The following GNAO1 variants were observed in gnomAD, a reference collection of about 807,000 sequenced individuals.
GNAO1 encodes G protein subunit alpha o1.
For missense variants in GNAO1, 166 were observed against 478.7 expected, an observed-to-expected ratio of 0.35 and a Z score of 6.10; for synonymous variants, 164 against 180.7, an observed-to-expected ratio of 0.91 and a Z score of 0.74.
At chr16:56,199,431 C>G (rs565506114) in intron 2 of GNAO1, among the ~76,000 whole-genome samples, 1 of 152,266 alleles carries the variant, frequency 6.6e-6, no homozygotes, top group East Asian at 1.9e-4. Context: ...TTTTCCGTGG[C>G]TTCCAGGATG....
chr16:56,351,837 T>A lies in GNAO1; in HGVS notation c.877+300T>A, dbSNP rs1187693753. 2.8e-6 allele frequency: 1 copy of A among 353,890 alleles called. No individual in the cohort carries two copies. Among genetic ancestry groups the A allele is most frequent in the Non-Finnish European group, 5.2e-6 (1 of 190,714 alleles). The allele number at this position is 353,890 out of a possible 1,614,324, so 21.9% of individuals were successfully genotyped here. On this transcript the variant is annotated intron_variant, in intron 7 of 8. Coordinates refer to ENST00000262493, the MANE Select transcript of GNAO1 (RefSeq NM_020988.3). This position sits in a 1 kb window ranked among gnomAD's most constrained non-coding sequence, Gnocchi z 6.1. Reference sequence around the variant, plus strand: ...TCACAGGCTTCCCCCTTCCTCCTGGTCACCCTCTAGAAGAGGTCTCAGGAC... The same window carrying A: ...TCACAGGCTTCCCCCTTCCTCCTGGACACCCTCTAGAAGAGGTCTCAGGAC...
Position 56,355,066 on chromosome 16 carries a change from T to C in GNAO1, c.*13T>C, listed in dbSNP as rs778531600. On this transcript the variant is annotated 3_prime_UTR_variant, in exon 8 of 9. Transcript: ENST00000262493. ...CGGCTTGTACTGACCTCTTGTCCTG[T>C]ATAGCAACCTATTTGGTAATGATTC... is the stretch of plus-strand genomic sequence containing the variant. The C allele has an allele frequency of 3.0e-5, 47 of 1,577,334 alleles. No homozygotes were observed. The highest frequency in any genetic ancestry group is 3.9e-5 in the Non-Finnish European group (45 of 1,150,564).
At chr16:56,250,497 G>A (rs2036789737) in intron 2 of GNAO1, among the ~76,000 whole-genome samples, 1 of 152,190 alleles carries the variant, frequency 6.6e-6, no homozygotes, top group South Asian at 2.1e-4. Flanking sequence ...GTAGAAAAAA[G>A]AGCATGCAAG....
At chr16:56,300,319 G>T (rs1319029286) in intron 3 of GNAO1, among the ~76,000 whole-genome samples, 1 of 152,184 alleles carries the variant, frequency 6.6e-6, no homozygotes, top group Non-Finnish European at 1.5e-5. Context: ...GTAGATAGTG[G>T]TCAGGCGGTA....
At chr16:56,270,448 AAC>A (rs1319149793) in intron 2 of GNAO1, 19 of 151,668 alleles carry the variant, frequency 1.3e-4, no homozygotes, top group African/African-American at 4.4e-4. Flanking sequence ...ACACACACAT[AAC>A]ACACACAGGG....
intron 6 of GNAO1, chr16:56,343,684 C>A: frequency 8.5e-7 from 1 of 1,182,170 alleles, no homozygotes; most frequent in Non-Finnish European, 1.2e-6. Flanking sequence ...GATGGCCACA[C>A]AGGCCAGGCT....
intron 3 of GNAO1, among the ~76,000 whole-genome samples, chr16:56,303,355 C>T (rs1160878447): frequency 2.0e-5 from 3 of 152,150 alleles, no homozygotes; most frequent in African/African-American, 7.2e-5. Context: ...AGAGGAGAGC[C>T]CCATGTGGAG....
chr16:56,248,687 A>G (rs1288775559), intron 2 of GNAO1, among the ~76,000 whole-genome samples: 1 of 152,200 alleles, frequency 6.6e-6, no homozygotes, highest in African/African-American at 2.4e-5. Flanking sequence ...GGAAGTGTGG[A>G]GGTGAGGGAA....
intron 3 of GNAO1, among the ~76,000 whole-genome samples, chr16:56,281,480 T>C (rs1256248147): frequency 6.6e-6 from 1 of 152,022 alleles, no homozygotes. Context: ...CTGCCTCTCC[T>C]TCACTCCTCC....
At chr16:56,228,436 T>C (rs1186833642) in intron 2 of GNAO1, among the ~76,000 whole-genome samples, 1 of 151,406 alleles carries the variant, frequency 6.6e-6, no homozygotes, top group Non-Finnish European at 1.5e-5. Context: ...TGAGTGTGTG[T>C]GTATATATAT....
At chr16:56,337,004 A>G (rs1404006185) in intron 6 of GNAO1, 144 bp downstream of exon 6, 1 of 793,646 alleles carries the variant, frequency 1.3e-6, no homozygotes, top group Non-Finnish European at 2.0e-6. Context: ...TCCATCATGG[A>G]CAGGCCGTGC....
intron 2 of GNAO1, among the ~76,000 whole-genome samples, chr16:56,269,020 G>A (rs1418445472): frequency 6.6e-6 from 1 of 152,178 alleles, no homozygotes; most frequent in African/African-American, 2.4e-5. Flanking sequence ...CCTGACGGCT[G>A]GAAACCATTG....
chr16:56,229,613 A>ATGGATGGG (rs754020248), intron 2 of GNAO1, among the ~76,000 whole-genome samples: 2 of 108,116 alleles, frequency 1.8e-5, no homozygotes, highest in African/African-American at 7.4e-5. Context: ...GGGTGGGTGG[A>ATGGATGGG]TGGATGGATG....
chr16:56,308,362 C>T (rs2037417603), intron 3 of GNAO1: 1 of 152,032 alleles, frequency 6.6e-6, no homozygotes, highest in Non-Finnish European at 1.5e-5. Context: ...TAAATGAGTC[C>T]AATTTAATAA....
rs553042494 is a variant in GNAO1 at position 56,259,766 on chromosome 16, T to G, written c.162-16165T>G. On this transcript the variant is annotated intron_variant, in intron 2 of 8. Coordinates refer to ENST00000262493, the MANE Select transcript of GNAO1 (RefSeq NM_020988.3). ...AGGCCTTTAAAGAGGGGTAAGAGTT[T>G]ATGACTCAGGGCCAGTGTGACAACA... Among the ~76,000 whole-genome samples the G allele has an allele frequency of 9.5e-4, 145 of 152,340 alleles. 1 individual carries two copies. The highest frequency in any genetic ancestry group is 3.4e-3 in the Middle Eastern group (1 of 294).
At chr16:56,242,999 G>C (rs1367023331) in intron 2 of GNAO1, among the ~76,000 whole-genome samples, 2 of 151,978 alleles carry the variant, frequency 1.3e-5, no homozygotes, top group African/African-American at 4.8e-5. Flanking sequence ...AGGAGCATTA[G>C]ATTCTTATAG....
intron 3 of GNAO1, among the ~76,000 whole-genome samples, chr16:56,293,524 G>T (rs1266380924): frequency 6.6e-6 from 1 of 152,196 alleles, no homozygotes; most frequent in Non-Finnish European, 1.5e-5. Flanking sequence ...TGTGCAGACA[G>T]TGTGCCAGCA....
At chr16:56,316,812 C>T (rs1444156233) in intron 3 of GNAO1, among the ~76,000 whole-genome samples, 2 of 152,230 alleles carry the variant, frequency 1.3e-5, no homozygotes, top group African/African-American at 4.8e-5. Flanking sequence ...CACACAGAGA[C>T]GTCCTCCAAT....
At chr16:56,334,990 G>A (rs946203921) in intron 5 of GNAO1, 133 bp downstream of exon 5, 5 of 847,018 alleles carry the variant, frequency 5.9e-6, no homozygotes, top group Non-Finnish European at 9.2e-6. Flanking sequence ...CAGGCAGCTA[G>A]ATACTAGAAG....
Sources: allele counts gnomAD v4.1 joint callset (sites outside exome capture counted in the v4.1 genomes callset), GRCh38; gene constraint gnomAD v4.1.1; non-coding constraint Gnocchi (gnomAD v3.1); transcripts MANE v1.5; gene names NCBI Gene and HGNC (gene_info 2026-07-23, HGNC 2026-07-21).